HDAC7: variants seen among roughly 807,000 people sequenced by gnomAD.
The protein encoded by HDAC7 is histone deacetylase 7.
A neutral mutation model predicts 115.5 loss-of-function variants in HDAC7; 26 were observed. The observed-to-expected ratio is 0.23, with a 90% CI of 0.16 to 0.31. HDAC7 has a LOEUF of 0.31. HDAC7 is among the 10% of genes least tolerant of loss of function. The pLI, the probability that HDAC7 is intolerant of heterozygous loss-of-function variation, is 1.00. For synonymous variants in HDAC7, 564 were observed against 550.9 expected (o/e 1.02, Z -0.33); for missense variants, 1,068 against 1,329.0 (o/e 0.80, Z 3.05).
intron 20 of HDAC7, 117 bp from the exon 21 acceptor site, chr12:47,787,926 T>C: frequency 6.4e-7 from 1 of 1,552,968 alleles, no homozygotes; most frequent in South Asian, 1.2e-5. Flanking sequence ...GTGGGGAAGT[T>C]TAGGATCAGA....
chr12:47,800,574 A>G (rs754643274), intron 2 of HDAC7, among the ~76,000 whole-genome samples: 24 of 152,260 alleles, frequency 1.6e-4, no homozygotes, highest in Non-Finnish European at 2.8e-4. Context: ...ATTGCCTCCC[A>G]AGAAATCCGG....
intron 1 of HDAC7, among the ~76,000 whole-genome samples, chr12:47,815,349 C>G (rs186790446): frequency 6.6e-6 from 1 of 152,302 alleles, no homozygotes; most frequent in Admixed American, 6.5e-5. Flanking sequence ...ACAGGGGGTA[C>G]ATGGGTGAGC....
chr12:47,786,880 A>G lies in HDAC7; in HGVS notation c.2454-177T>C, dbSNP rs79638414. The stretch of plus-strand genomic sequence containing the variant: ...GGCTGGCCACCCATGTCCCTGGCAC[A>G]CACAGCCTAAGGACTCAGCCCCCTA... On this transcript the variant is annotated intron_variant, in intron 21 of 25. Transcript: ENST00000080059. Among the ~76,000 whole-genome samples the G allele has an allele frequency of 4.9e-3, 740 of 152,350 alleles. 4 individuals carry two copies. Among genetic ancestry groups the G allele is most frequent in the African/African-American group, 0.017 (704 of 41,588 alleles).
Position 47,798,948 on chromosome 12 carries a change from G to A in HDAC7, c.95C>T (p.Thr32Ile), listed in dbSNP as rs1041044274. 2 of 1,520,130 alleles carry A rather than the reference G, an allele frequency of 1.3e-6. No homozygotes were observed. The highest frequency in any genetic ancestry group is 1.4e-5 in the African/African-American group (1 of 71,450). 94.2% of individuals were successfully genotyped at this position (1,520,130 alleles called of 1,614,324 possible). A position where few individuals can be genotyped will look rare whatever the true frequency, so the allele number is the denominator to read the frequency against. The change falls in exon 3 of 26, where the codon ACA (threonine) becomes ATA (isoleucine). Residue 32 changes from threonine to isoleucine, a missense_variant. Coordinates refer to ENST00000080059, the MANE Select transcript of HDAC7 (RefSeq NM_015401.5). This position sits in a 1 kb window ranked among gnomAD's most constrained non-coding sequence, Gnocchi z 4.3. Reference protein sequence around the residue: ...GAGCPRPCADTPGPQPQPMDL... With the variant: ...GAGCPRPCADIPGPQPQPMDL... ...CATGGGCTGCGGCTGAGGGCCTGGT[G>A]TGTCTGCACAGGGCCTGGGGCAGCC...
At chr12:47,788,873 A>G (rs899925277) in intron 19 of HDAC7, 5 of 181,336 alleles carry the variant, frequency 2.8e-5, no homozygotes, top group African/African-American at 9.4e-5. Flanking sequence ...GATTAAATCC[A>G]TCATGTGTAA....
At chr12:47,799,975 G>A (rs572933266) in intron 2 of HDAC7, among the ~76,000 whole-genome samples, 8 of 152,292 alleles carry the variant, frequency 5.3e-5, no homozygotes, top group South Asian at 4.1e-4. Context: ...CAATTCCAAC[G>A]CTGGGCATCT....
At chr12:47,786,027 A>G in intron 22 of HDAC7, 142 bp from the exon 23 acceptor site, 1 of 894,984 alleles carries the variant, frequency 1.1e-6, no homozygotes, top group Non-Finnish European at 1.6e-6. Flanking sequence ...GTGCTTTCAC[A>G]TTGAATGTCG....
Position 47,798,384 on chromosome 12 carries a change from A to C in HDAC7, c.350-165T>G, listed in dbSNP as rs1323330761. 5.1e-5 allele frequency among the ~76,000 whole-genome samples: 7 copies of C among 138,086 alleles called. No individual in the cohort carries two copies. Among genetic ancestry groups the C allele is most frequent in the Admixed American group, 7.1e-5 (1 of 13,994 alleles). 90.6% of individuals were successfully genotyped at this position (138,086 alleles called of 152,430 possible). A position where few individuals can be genotyped will look rare whatever the true frequency, so the allele number is the denominator to read the frequency against. On this transcript the variant is annotated intron_variant, in intron 4 of 25. Transcript: ENST00000080059. This position sits in a 1 kb window ranked among gnomAD's most constrained non-coding sequence, Gnocchi z 4.3. ...CCCCTCCCTAGAGCCTCCAGACACC[A>C]CCCCCCACCCCCACATCCCCCACAC...
At chr12:47,784,054 C>A in intron 25 of HDAC7, 25 bp downstream of exon 25, 1 of 1,610,034 alleles carries the variant, frequency 6.2e-7, no homozygotes. Context: ...AGGCTGTGGG[C>A]CCAGGGCCAG....
At position 47,803,453 on chromosome 12, in the gene HDAC7, C is replaced by A. The variant is rs1015624214; in HGVS notation, c.20-1179G>T. On this transcript the variant is annotated intron_variant, in intron 1 of 25. Coordinates refer to ENST00000080059, the MANE Select transcript of HDAC7 (RefSeq NM_015401.5). This position sits in a 1 kb window ranked among gnomAD's most constrained non-coding sequence, Gnocchi z 4.0. ...CAGCCTGGGCACAGGGAGACTCCCACCGACTGCCCCTCAAACCAGCCCATG... is the reference window on the plus strand; with the variant it reads ...CAGCCTGGGCACAGGGAGACTCCCAACGACTGCCCCTCAAACCAGCCCATG... 5.3e-5 allele frequency among the ~76,000 whole-genome samples: 8 copies of A among 152,218 alleles called. No homozygotes were observed. Among genetic ancestry groups the A allele is most frequent in the Non-Finnish European group, 8.8e-5 (6 of 68,036 alleles).
chr12:47,816,935 G>C lies in HDAC7; in HGVS notation c.19+2832C>G, dbSNP rs796907132. ...GAGTCCATGCTCACTCAGGCCACTC[G>C]CCTAGATTCCCAGGCCCCTGATCCT... On this transcript the variant is annotated intron_variant, in intron 1 of 25. Transcript: ENST00000080059. Among the ~76,000 whole-genome samples the C allele has an allele frequency of 6.6e-4, 100 of 152,258 alleles. 1 individual carries two copies. Among genetic ancestry groups the C allele is most frequent in the African/African-American group, 2.3e-3 (97 of 41,556 alleles).
In HDAC7 at chr12:47,797,299, C is replaced by T. The variant is rs919212462; in HGVS notation, c.577+85G>A. 6.6e-6 allele frequency: 9 copies of T among 1,365,294 alleles called. No homozygotes were observed. The highest frequency in any genetic ancestry group is 1.9e-5 in the Admixed American group (1 of 52,554). The allele number at this position is 1,365,294 out of a possible 1,614,324, so 84.6% of individuals were successfully genotyped here. A position where few individuals can be genotyped will look rare whatever the true frequency, so the allele number is the denominator to read the frequency against. On this transcript the variant is annotated intron_variant, in intron 6 of 25. Coordinates refer to ENST00000080059, the MANE Select transcript of HDAC7 (RefSeq NM_015401.5). This position sits in a 1 kb window ranked among gnomAD's most constrained non-coding sequence, Gnocchi z 5.5. The stretch of plus-strand genomic sequence containing the variant: ...GATGATCTCCTGGCCCAGCCCAGCC[C>T]GCCCACCCCTGCACACTCCTCCCCC...
intron 2 of HDAC7, among the ~76,000 whole-genome samples, chr12:47,801,239 TAG>T (rs753584919): frequency 2.6e-5 from 4 of 152,210 alleles, no homozygotes; most frequent in Non-Finnish European, 5.9e-5. Flanking sequence ...TTAAGCTCCA[TAG>T]GGCAGGGAGT....
Position 47,798,264 on chromosome 12 carries a change from C to A in HDAC7, c.350-45G>T, listed in dbSNP as rs745568988. On this transcript the variant is annotated intron_variant, in intron 4 of 25. Transcript: ENST00000080059. This position sits in a 1 kb window ranked among gnomAD's most constrained non-coding sequence, Gnocchi z 4.3. ...AGGGGGCTGGAGGTGGGTGGACAGG[C>A]GGCCTCGTGGCACTACCTGGCCACT... 2 of 1,472,938 alleles carry A rather than the reference C, an allele frequency of 1.4e-6. No individual in the cohort carries two copies. The highest frequency in any genetic ancestry group is 1.7e-5 in the Admixed American group (1 of 59,756). 91.2% of individuals were successfully genotyped at this position (1,472,938 alleles called of 1,614,324 possible).
intron 1 of HDAC7, among the ~76,000 whole-genome samples, chr12:47,818,244 A>G (rs1489643715): frequency 6.6e-6 from 1 of 152,142 alleles, no homozygotes; most frequent in African/African-American, 2.4e-5. Flanking sequence ...TTCCAGGTGC[A>G]ACATCAGGAG....
chr12:47,797,100 G>A lies in HDAC7; in HGVS notation c.620C>T (p.Ser207Phe). Residue 207 changes from serine to phenylalanine, a missense_variant, in exon 7 of 26, where the codon TCC becomes TTC. Physicochemically the swap from Ser to Phe is radical, Grantham distance 155 (BLOSUM62 -2). Transcript: ENST00000080059. This position sits in a 1 kb window ranked among gnomAD's most constrained non-coding sequence, Gnocchi z 5.5. Reference protein sequence around the residue: ...NLKLRYKPKKSLERRKNPLLR... With the variant: ...NLKLRYKPKKFLERRKNPLLR... The stretch of plus-strand genomic sequence containing the variant: ...CAGTGGATTCTTCCTCCGCTCCAGG[G>A]ACTTCTTGGGCTTATAGCGCAGCTT... The A allele has an allele frequency of 6.2e-7, 1 of 1,608,560 alleles. No homozygotes were observed. Among genetic ancestry groups the A allele is most frequent in the South Asian group, 1.1e-5 (1 of 90,366 alleles).
At position 47,795,422 on chromosome 12, in the gene HDAC7, G is replaced by C. The variant is rs753462334; in HGVS notation, c.1088-42C>G. 34 of 1,526,608 alleles carry C rather than the reference G, an allele frequency of 2.2e-5. No individual in the cohort carries two copies. The African/African-American group carries it at 4.0e-4, about 18-fold the overall frequency. 94.6% of individuals were successfully genotyped at this position (1,526,608 alleles called of 1,614,324 possible). ...GGTGGAATAAGGAGGGAACCACAGG[G>C]AGCAATGGAAGGAAGCGAGGGTATA... On this transcript the variant is annotated intron_variant, in intron 10 of 25. Coordinates refer to ENST00000080059, the MANE Select transcript of HDAC7 (RefSeq NM_015401.5). This position sits in a 1 kb window ranked among gnomAD's most constrained non-coding sequence, Gnocchi z 4.3.
At chr12:47,819,589 G>A (rs1944959311) in intron 1 of HDAC7, among the ~76,000 whole-genome samples, 178 bp downstream of exon 1, 1 of 151,330 alleles carries the variant, frequency 6.6e-6, no homozygotes, top group African/African-American at 2.4e-5. Flanking sequence ...AGAGCCCCGC[G>A]GAGCCGGGCG....
chr12:47,814,298 C>T (rs1944788044), intron 1 of HDAC7, among the ~76,000 whole-genome samples: 1 of 152,238 alleles, frequency 6.6e-6, no homozygotes, highest in Non-Finnish European at 1.5e-5. Flanking sequence ...TCTGTCCTCT[C>T]TTCCAGGGCC....
Sources: allele counts gnomAD v4.1 joint callset (sites outside exome capture counted in the v4.1 genomes callset), GRCh38; gene constraint gnomAD v4.1.1; non-coding constraint Gnocchi (gnomAD v3.1); transcripts MANE v1.5; gene names NCBI Gene and HGNC (gene_info 2026-07-23, HGNC 2026-07-21).